Variants in PKLR observed in about 807,000 individuals in gnomAD.
The protein encoded by PKLR is pyruvate kinase L/R.
Under a neutral mutation model 53.6 loss-of-function variants are expected in PKLR, and 38 were observed. The observed-to-expected ratio is 0.71, with a 90% confidence interval of 0.55 to 0.93. The LOEUF (loss-of-function observed/expected upper bound fraction) is 0.93. Ranked by LOEUF, PKLR falls within the 40% of genes least tolerant of loss-of-function variation. The pLI is 0.00. For missense variants in PKLR, 702 were observed against 787.3 expected, an observed-to-expected ratio of 0.89 and a Z score of 1.30; for synonymous variants, 328 against 316.2, an observed-to-expected ratio of 1.04 and a Z score of -0.39.
the PKLR span, among the ~76,000 whole-genome samples, chr1:155,307,323 T>C: frequency 6.6e-6 from 1 of 152,244 alleles, no homozygotes; most frequent in Non-Finnish European, 1.5e-5. Context: ...GAGTCTGGCT[T>C]ATTTCACTTA....
chr1:155,303,610 G>A (rs909041023), upstream of PKLR, among the ~76,000 whole-genome samples: 3 of 152,110 alleles, frequency 2.0e-5, no homozygotes, highest in Non-Finnish European at 2.9e-5. Flanking sequence ...AGAAGAGAGA[G>A]GGTGTATTTT....
upstream of PKLR, among the ~76,000 whole-genome samples, chr1:155,302,189 T>C (rs1413152126): frequency 2.0e-5 from 3 of 151,412 alleles, no homozygotes; most frequent in Non-Finnish European, 4.4e-5. Context: ...ATTACAGACG[T>C]GCACCACCAC....
chr1:155,295,281 G>A lies in PKLR; in HGVS notation c.529C>T (p.Leu177=), dbSNP rs138482544. The A allele has an allele frequency of 1.3e-5, 21 of 1,613,944 alleles. No homozygotes were observed. In the African/African-American group the frequency reaches 2.7e-4, roughly 21 times the overall value. ...ACCAGCACCTGGGAGCCCTTCACCA[G>A]CTCCACTTCCGACTCTGGACCCTAA... The part of the protein sequence containing the change: ...LQGGPESEVE[L]VKGSQVLVTV... The change falls in exon 5 of 11, where the codon CTG becomes TTG. Residue 177 remains leucine (L), a synonymous_variant. Transcript: ENST00000342741. This position sits in a 1 kb window ranked among gnomAD's most constrained non-coding sequence, Gnocchi z 4.3.
intron 2 of PKLR, among the ~76,000 whole-genome samples, chr1:155,298,641 T>TTA (rs1553231246): frequency 3.3e-5 from 5 of 150,054 alleles, no homozygotes; most frequent in African/African-American, 7.4e-5. Flanking sequence ...TTTCTTTTTT[T>TTA]AAAAACAAAC....
In PKLR at chr1:155,301,370, G is replaced by A; in HGVS notation, c.26C>T (p.Ser9Phe). The A allele has an allele frequency of 6.2e-7, 1 of 1,613,976 alleles. No homozygotes were observed. The highest frequency in any genetic ancestry group is 8.5e-7 in the Non-Finnish European group (1 of 1,179,862). ...AGAGACCCATGACCGAAGCTGCAGGGATGATATGTTCTCCTGGATCGACAT... is the reference window on the plus strand; with the variant it reads ...AGAGACCCATGACCGAAGCTGCAGGAATGATATGTTCTCCTGGATCGACAT... MSIQENIS[S>F]LQLRSWVSKS... The change falls in exon 1 of 11, where the codon TCC (serine) becomes TTC (phenylalanine). Residue 9 changes from serine (S) to phenylalanine (F), a missense_variant. Transcript: ENST00000342741.
chr1:155,303,975 T>C (rs1238574840), upstream of PKLR, among the ~76,000 whole-genome samples: 1 of 152,104 alleles, frequency 6.6e-6, no homozygotes, highest in Admixed American at 6.6e-5. Flanking sequence ...AAAAGCTTGG[T>C]GCCAAGGAGA....
In PKLR at chr1:155,295,043, C is replaced by T; in HGVS notation, c.694+73G>A. ...GGGGAAGGTGTGATCGGTCTGAGGG[C>T]TGATGGGGGAGCCAAGGAGAAGGGA... On this transcript the variant is annotated intron_variant, in intron 5 of 10. Transcript: ENST00000342741. The surrounding 1 kb of genome is among the most constrained non-coding windows in gnomAD (Gnocchi z 4.3). 1 of 1,516,894 alleles carries T rather than the reference C, an allele frequency of 6.6e-7. No homozygotes were observed. 94.0% of individuals were successfully genotyped at this position (1,516,894 alleles called of 1,614,324 possible).
Position 155,290,457 on chromosome 1 carries a change from T to G in PKLR, c.*115A>C. On this transcript the variant is annotated 3_prime_UTR_variant, in exon 11 of 11. Coordinates refer to ENST00000342741, the MANE Select transcript of PKLR (RefSeq NM_000298.6). ...GGCCTCAGGTAGGGAGGGTCAGGAA[T>G]AGAGAAGAGAGGACTTAAAGGTGGG... 1.4e-6 allele frequency: 1 copy of G among 708,488 alleles called. No individual in the cohort carries two copies. The highest frequency in any genetic ancestry group is 2.6e-6 in the Non-Finnish European group (1 of 389,022). The allele number at this position is 708,488 out of a possible 1,614,324, so 43.9% of individuals were successfully genotyped here. A position where few individuals can be genotyped will look rare whatever the true frequency, so the allele number is the denominator to read the frequency against.
Position 155,295,498 on chromosome 1 carries a change from CG to C in PKLR, c.445del (p.Arg149GlyfsTer30). 1.2e-6 allele frequency: 2 copies of C among 1,610,588 alleles called. No individual in the cohort carries two copies. The highest frequency in any genetic ancestry group is 1.7e-6 in the Non-Finnish European group (2 of 1,178,574). Reference protein sequence around the residue: ...ESFAGSPLSYRPVAIALDTKG... With the variant: ...ESFAGSPLSYXPVAIALDTKG... ...GGTGTCCAGGGCGATGGCCACGGGCCGGTAGCTGAGTGGGGAACCTGCAAAG... is the reference window on the plus strand; with the variant it reads ...GGTGTCCAGGGCGATGGCCACGGGCCGTAGCTGAGTGGGGAACCTGCAAAG... On this transcript the variant is annotated frameshift_variant, in exon 4 of 11. Transcript: ENST00000342741. LOFTEE classifies it high-confidence loss of function. This position sits in a 1 kb window ranked among gnomAD's most constrained non-coding sequence, Gnocchi z 4.3.
At chr1:155,298,421 C>T (rs1200234506) in intron 2 of PKLR, among the ~76,000 whole-genome samples, 1 of 151,890 alleles carries the variant, frequency 6.6e-6, no homozygotes, top group East Asian at 1.9e-4. Context: ...CTCCGCCTCC[C>T]AGGTTCAAGC....
At chr1:155,304,261 C>T (rs1176836450), upstream of PKLR, among the ~76,000 whole-genome samples, 2 of 151,892 alleles carry the variant, frequency 1.3e-5, no homozygotes, top group Non-Finnish European at 2.9e-5. Flanking sequence ...GGTAAAACCT[C>T]GTCTCTACTA....
chr1:155,295,541 G>A lies in PKLR; in HGVS notation c.403C>T (p.Arg135Trp), dbSNP rs770175821. The A allele has an allele frequency of 1.2e-6, 2 of 1,613,764 alleles. No homozygotes were observed. The highest frequency in any genetic ancestry group is 1.7e-6 in the Non-Finnish European group (2 of 1,179,874). The change falls in exon 4 of 11, where the codon CGG (arginine) becomes TGG (tryptophan). Residue 135 changes from arginine to tryptophan, a missense_variant. Physicochemically the swap from Arg to Trp is moderately radical, Grantham distance 101. Coordinates refer to ENST00000342741, the MANE Select transcript of PKLR (RefSeq NM_000298.6). The surrounding 1 kb of genome is among the most constrained non-coding windows in gnomAD (Gnocchi z 4.3). Reference sequence around the variant, plus strand: ...CCTGCAAAGCTCTCCACCGCCTCCCGGACGTTGGCGATGGACTCAGCATGG... The same window carrying A: ...CCTGCAAAGCTCTCCACCGCCTCCCAGACGTTGGCGATGGACTCAGCATGG... ...EYHAESIANVREAVESFAGSP... is the reference protein window; with the variant it reads ...EYHAESIANVWEAVESFAGSP...
chr1:155,290,275 C>T lies in PKLR; in HGVS notation c.*297G>A, dbSNP rs920447491. ...AACTGGGATTAAAGACTCAAGGCAT[C>T]TTAGGGCCTGCTGAGCAGATTGGAT... is the stretch of plus-strand genomic sequence containing the variant. On this transcript the variant is annotated 3_prime_UTR_variant, in exon 11 of 11. Coordinates refer to ENST00000342741, the MANE Select transcript of PKLR (RefSeq NM_000298.6). 8.8e-6 allele frequency: 4 copies of T among 453,054 alleles called. No individual in the cohort carries two copies. Among genetic ancestry groups the T allele is most frequent in the Admixed American group, 7.0e-5 (2 of 28,498 alleles). The allele number at this position is 453,054 out of a possible 1,614,324, so 28.1% of individuals were successfully genotyped here.
Position 155,298,667 on chromosome 1 carries a change from G to A in PKLR, c.283+1431C>T, listed in dbSNP as rs147655495. On this transcript the variant is annotated intron_variant, in intron 2 of 10. Transcript: ENST00000342741. ...AAAAACAAACAAACAAACAAACAGAGTTTCGCTCTTGTTGCCCAAACTGGA... is the reference window on the plus strand; with the variant it reads ...AAAAACAAACAAACAAACAAACAGAATTTCGCTCTTGTTGCCCAAACTGGA... 3.9e-3 allele frequency among the ~76,000 whole-genome samples: 585 copies of A among 149,396 alleles called. 6 individuals carry two copies. The highest frequency in any genetic ancestry group is 0.014 in the African/African-American group (558 of 40,158).
intron 9 of PKLR, among the ~76,000 whole-genome samples, chr1:155,292,438 C>T (rs1647263164): frequency 6.6e-6 from 1 of 152,124 alleles, no homozygotes; most frequent in Admixed American, 6.5e-5. Flanking sequence ...GAGTTTGAGA[C>T]CAGCCTGGCT....
At chr1:155,301,554 T>A, upstream of PKLR, 1 of 787,182 alleles carries the variant, frequency 1.3e-6, no homozygotes, top group Non-Finnish European at 2.1e-6. Context: ...GCCTGCTCTC[T>A]GCCCTCATCT....
At chr1:155,301,215 C>G in intron 1 of PKLR, 81 bp downstream of exon 1, 1 of 1,520,876 alleles carries the variant, frequency 6.6e-7, no homozygotes, top group Non-Finnish European at 9.1e-7. Flanking sequence ...TGATGTGGAT[C>G]ATTTATGCCC....
chr1:155,293,988 C>T lies in PKLR; in HGVS notation c.1116+247G>A, dbSNP rs372717623. Among the ~76,000 whole-genome samples the T allele has an allele frequency of 2.0e-5, 3 of 152,224 alleles. No homozygotes were observed. The highest frequency in any genetic ancestry group is 3.9e-4 in the East Asian group (2 of 5,166). On this transcript the variant is annotated intron_variant, in intron 7 of 10. Transcript: ENST00000342741. The surrounding 1 kb of genome is among the most constrained non-coding windows in gnomAD (Gnocchi z 4.2). ...TCTCTACTGAAAATACAAAAAGTAG[C>T]CTGGCATGGCGGCGGTCACCTGTAA...
In PKLR at chr1:155,295,799, A is replaced by C. The variant is rs372163142; in HGVS notation, c.284-43T>G. 3 of 1,566,178 alleles carry C rather than the reference A, an allele frequency of 1.9e-6. No homozygotes were observed. The highest frequency in any genetic ancestry group is 2.6e-6 in the Non-Finnish European group (3 of 1,136,674). On this transcript the variant is annotated intron_variant, in intron 2 of 10. Coordinates refer to ENST00000342741, the MANE Select transcript of PKLR (RefSeq NM_000298.6). This position sits in a 1 kb window ranked among gnomAD's most constrained non-coding sequence, Gnocchi z 4.3. The stretch of plus-strand genomic sequence containing the variant: ...CGTTCAGACAACGTTCCCCCAGAAC[A>C]TGAGAGGCAACCAAACCCAACCCAT...
Sources: allele counts gnomAD v4.1 joint callset (sites outside exome capture counted in the v4.1 genomes callset), GRCh38; gene constraint gnomAD v4.1.1; non-coding constraint Gnocchi (gnomAD v3.1); transcripts MANE v1.5; gene names NCBI Gene and HGNC (gene_info 2026-07-23, HGNC 2026-07-21).